Variants in CD2AP observed in about 807,000 individuals in gnomAD.
CD2AP encodes the protein CD2 associated protein.
CD2AP carries 46 observed loss-of-function variants against 85.1 expected under a neutral mutation model. The ratio of observed to expected loss-of-function variants is 0.54; its 90% CI spans 0.43 to 0.69. CD2AP has a LOEUF of 0.69. CD2AP is among the 30% of genes least tolerant of loss of function. The pLI is 0.00. For missense variants in CD2AP, 769 were observed against 729.5 expected (o/e 1.05, Z -0.62); for synonymous variants, 255 against 252.9 (o/e 1.01, Z -0.08).
chr6:47,499,888 C>T (rs1765957222), intron 1 of CD2AP, among the ~76,000 whole-genome samples: 1 of 152,102 alleles, frequency 6.6e-6, no homozygotes, highest in Non-Finnish European at 1.5e-5. Context: ...GCCACCACGC[C>T]CGGCTAATTT....
chr6:47,573,964 G>C (rs147211221), intron 5 of CD2AP, 100 bp from the exon 6 acceptor site: 2 of 1,034,392 alleles, frequency 1.9e-6, no homozygotes, highest in East Asian at 4.7e-5. Flanking sequence ...TTTTTCTACT[G>C]TGTTTTATTA....
intron 3 of CD2AP, among the ~76,000 whole-genome samples, chr6:47,540,360 A>AGT (rs944747005): frequency 1.7e-4 from 26 of 152,100 alleles, no homozygotes; most frequent in African/African-American, 5.6e-4. Context: ...AAAATCTCAA[A>AGT]GTGCCCCCTT....
chr6:47,560,574 T>C (rs1288403026), intron 5 of CD2AP, among the ~76,000 whole-genome samples: 3 of 152,140 alleles, frequency 2.0e-5, no homozygotes, highest in African/African-American at 7.2e-5. Flanking sequence ...TTTGTCTTTT[T>C]CCCCCGATTC....
At chr6:47,547,464 C>A (rs568371360) in intron 4 of CD2AP, among the ~76,000 whole-genome samples, 105 of 151,114 alleles carry the variant, frequency 6.9e-4, no homozygotes, top group African/African-American at 2.5e-3. Context: ...AAGGCCTTGT[C>A]CAACAAGAAA....
chr6:47,504,156 A>C (rs1766067883), intron 2 of CD2AP, among the ~76,000 whole-genome samples: 1 of 152,230 alleles, frequency 6.6e-6, no homozygotes, highest in African/African-American at 2.4e-5. Context: ...AAAAAAAGTA[A>C]AGCATATCTG....
chr6:47,618,536 CAAATT>C (rs755126777), intron 17 of CD2AP, among the ~76,000 whole-genome samples: 62 of 152,010 alleles, frequency 4.1e-4, no homozygotes, highest in Admixed American at 2.9e-3. Context: ...AAATTATTGA[CAAATT>C]AATGAAAGTG....
chr6:47,503,586 A>G, intron 2 of CD2AP, 146 bp downstream of exon 2: 2 of 718,600 alleles, frequency 2.8e-6, no homozygotes, highest in East Asian at 2.7e-5. Flanking sequence ...AGGTACCTCT[A>G]TAATGGATAT....
At chr6:47,567,107 A>G (rs1768024789) in intron 5 of CD2AP, among the ~76,000 whole-genome samples, 1 of 148,976 alleles carries the variant, frequency 6.7e-6, no homozygotes, top group Non-Finnish European at 1.5e-5. Context: ...TAACTTTACT[A>G]TGCTGTTTAA....
intron 1 of CD2AP, among the ~76,000 whole-genome samples, chr6:47,501,125 G>T (rs1765987671): frequency 6.6e-6 from 1 of 152,134 alleles, no homozygotes; most frequent in African/African-American, 2.4e-5. Context: ...GGTGGCTCAC[G>T]CCTGTGATCC....
intron 13 of CD2AP, among the ~76,000 whole-genome samples, chr6:47,603,674 G>A (rs560968022): frequency 6.6e-6 from 1 of 152,042 alleles, no homozygotes; most frequent in African/African-American, 2.4e-5. Flanking sequence ...TCATTCTACA[G>A]CTGTTCTTTT....
intron 1 of CD2AP, among the ~76,000 whole-genome samples, chr6:47,497,492 C>G (rs1053798468): frequency 1.3e-5 from 2 of 151,998 alleles, no homozygotes; most frequent in African/African-American, 4.8e-5. Context: ...CTTCTGGACT[C>G]AAGCCATTCT....
intron 3 of CD2AP, among the ~76,000 whole-genome samples, chr6:47,543,035 C>G (rs1767261102): frequency 6.6e-6 from 1 of 151,038 alleles, no homozygotes; most frequent in African/African-American, 2.4e-5. Context: ...CCTGTAATCC[C>G]AGCTACTCAG....
At chr6:47,539,889 A>G (rs961177653) in intron 3 of CD2AP, among the ~76,000 whole-genome samples, 1 of 152,088 alleles carries the variant, frequency 6.6e-6, no homozygotes, top group Admixed American at 6.6e-5. Flanking sequence ...TGATAAGAAA[A>G]TACTAATAGC....
intron 10 of CD2AP, among the ~76,000 whole-genome samples, chr6:47,581,292 A>G (rs1180863005): frequency 6.6e-6 from 1 of 152,210 alleles, no homozygotes; most frequent in African/African-American, 2.4e-5. Flanking sequence ...AGGTTAAACA[A>G]AGTAGATGAT....
chr6:47,599,467 G>A, intron 13 of CD2AP, 24 bp downstream of exon 13: 1 of 1,603,908 alleles, frequency 6.2e-7, no homozygotes, highest in East Asian at 2.3e-5. Context: ...GACAGCGGTG[G>A]TGCATTTAAA....
At position 47,586,419 on chromosome 6, in the gene CD2AP, G is replaced by C. The variant is rs572611009; in HGVS notation, c.1108+4354G>C. 3.9e-5 allele frequency among the ~76,000 whole-genome samples: 6 copies of C among 152,208 alleles called. No individual in the cohort carries two copies. In the East Asian group the frequency reaches 1.2e-3, roughly 29 times the overall value. The stretch of plus-strand genomic sequence containing the variant: ...GTTACCTGAGTGACAATATCAAGTG[G>C]TTTTACTTACCTGTAATTGGGGTAC... On this transcript the variant is annotated intron_variant, in intron 11 of 17. Transcript: ENST00000359314.
intron 5 of CD2AP, among the ~76,000 whole-genome samples, chr6:47,558,364 A>C (rs1297424350): frequency 6.6e-6 from 1 of 152,178 alleles, no homozygotes; most frequent in Non-Finnish European, 1.5e-5. Flanking sequence ...ACCATGTTGA[A>C]TAGGAGTGAT....
At chr6:47,611,316 C>T (rs1053632366) in intron 16 of CD2AP, among the ~76,000 whole-genome samples, 16 of 151,082 alleles carry the variant, frequency 1.1e-4, no homozygotes, top group Admixed American at 2.6e-4. Context: ...AATGTATTTG[C>T]GTGTGGCAAA....
At chr6:47,590,202 T>G (rs1254069847) in intron 11 of CD2AP, among the ~76,000 whole-genome samples, 1 of 152,060 alleles carries the variant, frequency 6.6e-6, no homozygotes, top group Admixed American at 6.6e-5. Context: ...AGATATAAGC[T>G]TTAAAGTAAC....
Sources: allele counts gnomAD v4.1 joint callset (sites outside exome capture counted in the v4.1 genomes callset), GRCh38; gene constraint gnomAD v4.1.1; transcripts MANE v1.5; gene names NCBI Gene and HGNC (gene_info 2026-07-23, HGNC 2026-07-21).